RIMS1: variants seen among roughly 807,000 people sequenced by gnomAD.
RIMS1 encodes regulating synaptic membrane exocytosis protein 1.
A neutral mutation model predicts 214.1 loss-of-function variants in RIMS1; 83 were observed. The observed-to-expected ratio is 0.39, with a 90% CI of 0.32 to 0.47. RIMS1 has a LOEUF of 0.47. Among genes scored for constraint, RIMS1 ranks in the 20% least tolerant of loss-of-function variants. RIMS1 has a pLI of 0.99. For synonymous variants in RIMS1, 793 were observed against 786.8 expected, an observed-to-expected ratio of 1.01 and a Z score of -0.13; for missense variants, 2,050 against 2,161.8, an observed-to-expected ratio of 0.95 and a Z score of 1.03.
chr6:72,075,663 C>T lies in RIMS1; in HGVS notation c.246-21286C>T, dbSNP rs376302508. Among the ~76,000 whole-genome samples, 5 of 152,150 alleles carry T rather than the reference C, an allele frequency of 3.3e-5. No homozygotes were observed. In the East Asian group the frequency reaches 5.8e-4, roughly 18 times the overall value. On this transcript the variant is annotated intron_variant, in intron 2 of 33. Coordinates refer to ENST00000521978, the MANE Select transcript of RIMS1 (RefSeq NM_014989.7). ...ATTAGAAAGATGAAAACAGAATGCT[C>T]ACCAGCCCATCTATAATTCTCATCA...
intron 2 of RIMS1, among the ~76,000 whole-genome samples, chr6:71,987,227 G>A (rs1333314138): frequency 1.3e-5 from 2 of 152,196 alleles, no homozygotes; most frequent in East Asian, 3.9e-4. Flanking sequence ...CTTAGTTCCA[G>A]GCTGCTATTA....
At chr6:71,887,366 CCG>C (rs1243808583) in intron 1 of RIMS1, among the ~76,000 whole-genome samples, 179 bp downstream of exon 1, 1 of 152,022 alleles carries the variant, frequency 6.6e-6, no homozygotes, top group Non-Finnish European at 1.5e-5. Flanking sequence ...GGTCAGGGGA[CCG>C]GAGGAGGGAG....
At chr6:72,047,171 A>G (rs924612847) in intron 2 of RIMS1, among the ~76,000 whole-genome samples, 1 of 152,024 alleles carries the variant, frequency 6.6e-6, no homozygotes, top group Non-Finnish European at 1.5e-5. Flanking sequence ...CTTTTTTGTG[A>G]CCCTCCAACT....
At chr6:72,286,895 C>G (rs1384754839) in intron 24 of RIMS1, among the ~76,000 whole-genome samples, 1 of 152,170 alleles carries the variant, frequency 6.6e-6, no homozygotes, top group Admixed American at 6.5e-5. Context: ...AACCTCATGA[C>G]AGATAGCCTT....
intron 27 of RIMS1, among the ~76,000 whole-genome samples, chr6:72,311,751 G>A (rs1467602244): frequency 6.6e-6 from 1 of 152,078 alleles, no homozygotes; most frequent in Non-Finnish European, 1.5e-5. Flanking sequence ...TGGGTGGATT[G>A]TCTGAGGTCA....
intron 2 of RIMS1, among the ~76,000 whole-genome samples, chr6:72,063,396 A>T (rs1828434514): frequency 6.6e-6 from 1 of 152,222 alleles, no homozygotes; most frequent in South Asian, 2.1e-4. Flanking sequence ...AGCATCTGCG[A>T]CAATACCTGA....
intron 2 of RIMS1, among the ~76,000 whole-genome samples, chr6:72,043,760 C>T (rs750898188): frequency 6.6e-6 from 1 of 151,232 alleles, no homozygotes; most frequent in Non-Finnish European, 1.5e-5. Flanking sequence ...CTACTCATAG[C>T]TTAAATAAAA....
At chr6:72,375,318 C>G (rs1022203774) in intron 29 of RIMS1, among the ~76,000 whole-genome samples, 6 of 152,190 alleles carry the variant, frequency 3.9e-5, no homozygotes, top group Admixed American at 3.9e-4. Context: ...AGAATTTCTC[C>G]TGTATTTACT....
intron 4 of RIMS1, among the ~76,000 whole-genome samples, chr6:72,142,299 C>G (rs577566956): frequency 2.0e-5 from 3 of 152,042 alleles, no homozygotes; most frequent in East Asian, 3.9e-4. Flanking sequence ...GTGATTCCCC[C>G]CCTACAGTGC....
intron 1 of RIMS1, among the ~76,000 whole-genome samples, chr6:71,910,628 A>G (rs1562174652): frequency 8.6e-5 from 13 of 152,046 alleles, no homozygotes; most frequent in South Asian, 2.1e-4. Context: ...GATACTTCAT[A>G]TATGTTTTTT....
intron 31 of RIMS1, among the ~76,000 whole-genome samples, chr6:72,397,103 A>G (rs1206308138): frequency 1.3e-5 from 2 of 152,196 alleles, no homozygotes; most frequent in African/African-American, 4.8e-5. Flanking sequence ...CAAAGAATTT[A>G]AGAGTAAATA....
At chr6:72,074,201 G>A (rs1831238783) in intron 2 of RIMS1, among the ~76,000 whole-genome samples, 1 of 152,084 alleles carries the variant, frequency 6.6e-6, no homozygotes, top group African/African-American at 2.4e-5. Context: ...TTTCTAACTA[G>A]ATATGCTAAA....
At chr6:71,896,042 C>A (rs1179296813) in intron 1 of RIMS1, among the ~76,000 whole-genome samples, 1 of 152,120 alleles carries the variant, frequency 6.6e-6, no homozygotes, top group African/African-American at 2.4e-5. Context: ...TCTTTCCTAA[C>A]CCCTTTGTTT....
chr6:72,149,223 A>G (rs1285898823), intron 4 of RIMS1, among the ~76,000 whole-genome samples: 1 of 152,230 alleles, frequency 6.6e-6, no homozygotes, highest in Non-Finnish European at 1.5e-5. Flanking sequence ...CCAAGTGCCC[A>G]TTCTACCCAG....
chr6:71,890,769 G>A (rs1366499281), intron 1 of RIMS1, among the ~76,000 whole-genome samples: 2 of 151,844 alleles, frequency 1.3e-5, no homozygotes, highest in African/African-American at 4.8e-5. Context: ...TTAATCTAAT[G>A]CCAAATAGTT....
At chr6:72,372,790 G>A (rs1241766272) in intron 29 of RIMS1, among the ~76,000 whole-genome samples, 1 of 152,204 alleles carries the variant, frequency 6.6e-6, no homozygotes, top group African/African-American at 2.4e-5. Flanking sequence ...CTGCCGCCAG[G>A]TTGCATGACC....
intron 4 of RIMS1, among the ~76,000 whole-genome samples, chr6:72,121,494 A>G (rs1160557661): frequency 6.6e-6 from 1 of 151,912 alleles, no homozygotes; most frequent in African/African-American, 2.4e-5. Context: ...ATTTTTGTAC[A>G]TTGATTTTGC....
At chr6:72,301,989 C>G (rs2094654840) in intron 26 of RIMS1, among the ~76,000 whole-genome samples, 1 of 151,496 alleles carries the variant, frequency 6.6e-6, no homozygotes, top group South Asian at 2.1e-4. Flanking sequence ...CATTGAGATT[C>G]CTATTTTTGC....
chr6:72,114,435 A>C (rs1587338794), intron 4 of RIMS1, among the ~76,000 whole-genome samples: 1 of 152,016 alleles, frequency 6.6e-6, no homozygotes, highest in South Asian at 2.1e-4. Context: ...CATACCTCAG[A>C]GCTCCTGACT....
Sources: gnomAD v4.1 joint callset for allele counts (sites outside exome capture counted in the v4.1 genomes callset) on GRCh38, gnomAD v4.1.1 for gene constraint, MANE v1.5 for transcripts, NCBI Gene and HGNC (gene_info 2026-07-23, HGNC 2026-07-21) for gene names.